The following PCNT variants were observed in gnomAD, a reference collection of about 807,000 sequenced individuals.
The protein encoded by PCNT is pericentrin.
Under a neutral mutation model 380.4 loss-of-function variants are expected in PCNT, and 319 were observed. The observed-to-expected ratio is 0.84, with a 90% confidence interval of 0.77 to 0.92. The LOEUF (loss-of-function observed/expected upper bound fraction) is 0.92. Among genes scored for constraint, PCNT ranks in the 40% least tolerant of loss-of-function variants. The pLI, the probability that PCNT is intolerant of heterozygous loss-of-function variation, is 0.00. For synonymous variants in PCNT, 1,845 were observed against 1,735.2 expected, an observed-to-expected ratio of 1.06 and a Z score of -1.57; for missense variants, 4,400 against 4,255.3, an observed-to-expected ratio of 1.03 and a Z score of -0.95.
chr21:46,398,487 G>A (rs2086284340), intron 24 of PCNT, among the ~76,000 whole-genome samples: 1 of 152,252 alleles, frequency 6.6e-6, no homozygotes, highest in Non-Finnish European at 1.5e-5. Context: ...TGCCTGGCAC[G>A]TGGTTCCCCA....
At chr21:46,412,712 T>G in intron 28 of PCNT, 125 bp from the exon 29 acceptor site, 1 of 1,003,236 alleles carries the variant, frequency 1.0e-6, no homozygotes, top group Non-Finnish European at 1.6e-6. Context: ...GCTGTGGATG[T>G]CACTGCCACC....
chr21:46,337,606 G>A (rs912484018), intron 3 of PCNT, among the ~76,000 whole-genome samples: 2 of 151,784 alleles, frequency 1.3e-5, no homozygotes, highest in African/African-American at 4.8e-5. Flanking sequence ...TTTTGAGATG[G>A]AGTTTCGCTC....
chr21:46,339,957 C>A (rs556151758), intron 3 of PCNT, among the ~76,000 whole-genome samples: 1 of 152,226 alleles, frequency 6.6e-6, no homozygotes, highest in East Asian at 1.9e-4. Flanking sequence ...TTCTTTCTCT[C>A]CATTAAGTTT....
At position 46,347,505 on chromosome 21, in the gene PCNT, T is replaced by C; in HGVS notation, c.1025T>C (p.Ile342Thr). 1 of 1,613,972 alleles carries C rather than the reference T, an allele frequency of 6.2e-7. No homozygotes were observed. The highest frequency in any genetic ancestry group is 1.1e-5 in the South Asian group (1 of 91,058). The part of the protein sequence containing the change: ...LQSEMEKNAQ[I>T]VKTLKEDWES... ...TCAGAAATGGAGAAAAACGCCCAGA[T>C]AGTAAAGGTACCCGGGATCGATTCT... The change falls in exon 6 of 47, where the codon ATA (isoleucine) becomes ACA (threonine). Residue 342 changes from isoleucine to threonine, a missense_variant. Physicochemically the swap from Ile to Thr is moderately conservative, Grantham distance 89. Coordinates refer to ENST00000359568, the MANE Select transcript of PCNT (RefSeq NM_006031.6).
At chr21:46,427,964 C>T (rs567432870) in intron 34 of PCNT, among the ~76,000 whole-genome samples, 169 bp downstream of exon 34, 1 of 152,330 alleles carries the variant, frequency 6.6e-6, no homozygotes, top group South Asian at 2.1e-4. Flanking sequence ...ATGCAGGATG[C>T]TGCACTTTTC....
rs1428591229 is a variant in PCNT at position 46,334,678 on chromosome 21, G to A, written c.549G>A (p.Gly183=). 1.2e-6 allele frequency: 2 copies of A among 1,611,508 alleles called. No individual in the cohort carries two copies. The highest frequency in any genetic ancestry group is 2.2e-5 in the East Asian group (1 of 44,758). ...TISDHQPEQR[G]MFTVSDHTPE... Reference sequence around the variant, plus strand: ...GTGACCACCAACCGGAACAGCGTGGGATGTTCACAGTCAGTGACCACACAC... The same window carrying A: ...GTGACCACCAACCGGAACAGCGTGGAATGTTCACAGTCAGTGACCACACAC... Residue 183 remains glycine (G), a synonymous_variant, in exon 3 of 47, where the codon GGG becomes GGA. Coordinates refer to ENST00000359568, the MANE Select transcript of PCNT (RefSeq NM_006031.6).
chr21:46,422,589 T>A (rs1470427795), intron 32 of PCNT, among the ~76,000 whole-genome samples: 1 of 152,268 alleles, frequency 6.6e-6, no homozygotes, highest in Non-Finnish European at 1.5e-5. Context: ...ATAGGTTTTC[T>A]TTCCTCTCCC....
intron 2 of PCNT, among the ~76,000 whole-genome samples, chr21:46,327,939 C>G (rs933560332): frequency 1.3e-5 from 2 of 152,134 alleles, no homozygotes; most frequent in African/African-American, 4.8e-5. Context: ...GGCTGGCCTT[C>G]CGGGCTCCTT....
Position 46,416,193 on chromosome 21 carries a change from C to T in PCNT, c.6275C>T (p.Ala2092Val), listed in dbSNP as rs1321200966. Residue 2092 changes from alanine to valine, a missense_variant, in exon 30 of 47, where the codon GCC becomes GTC. Ala to Val is a moderately conservative substitution (Grantham distance 64, BLOSUM62 0). Coordinates refer to ENST00000359568, the MANE Select transcript of PCNT (RefSeq NM_006031.6). The stretch of plus-strand genomic sequence containing the variant: ...ATGACCTTCCAGAATGTGGATGCTG[C>T]CGACACCAAATCTCTGTGGCCCATG... The part of the protein sequence containing the change: ...YSMTFQNVDA[A>V]DTKSLWPMAS... 1.2e-6 allele frequency: 2 copies of T among 1,614,094 alleles called. No homozygotes were observed. The highest frequency in any genetic ancestry group is 1.7e-6 in the Non-Finnish European group (2 of 1,180,048).
chr21:46,355,961 G>T (rs2084459648), intron 12 of PCNT, among the ~76,000 whole-genome samples: 4 of 152,336 alleles, frequency 2.6e-5, no homozygotes, highest in Non-Finnish European at 1.5e-5. Flanking sequence ...TGGGCCCAGG[G>T]GAGGCTTTTC....
At chr21:46,406,618 G>A (rs777861958) in intron 27 of PCNT, among the ~76,000 whole-genome samples, 1 of 152,098 alleles carries the variant, frequency 6.6e-6, no homozygotes, top group African/African-American at 2.4e-5. Context: ...ACAATGTCTA[G>A]CACTCCCAGT....
rs201188810 is a variant in PCNT, at chr21:46,355,597, G to T, written c.1907G>T (p.Arg636Leu). The T allele has an allele frequency of 2.4e-5, 38 of 1,614,010 alleles. No homozygotes were observed. Among genetic ancestry groups the T allele is most frequent in the Non-Finnish European group, 3.1e-5 (37 of 1,179,988 alleles). ...ACTTCAGCATTGGGACACGAGTGGCGTCTGGAACCCTCTGAAGGGCACAGC... is the reference window on the plus strand; with the variant it reads ...ACTTCAGCATTGGGACACGAGTGGCTTCTGGAACCCTCTGAAGGGCACAGC... ...VETSALGHEW[R>L]LEPSEGHSQE... Residue 636 changes from arginine to leucine, a missense_variant, in exon 12 of 47, where the codon CGT becomes CTT. Physicochemically the swap from Arg to Leu is moderately radical, Grantham distance 102. Transcript: ENST00000359568.
At chr21:46,444,176 T>C (rs1569316746) in intron 45 of PCNT, among the ~76,000 whole-genome samples, 5 of 152,068 alleles carry the variant, frequency 3.3e-5, no homozygotes, top group Admixed American at 1.3e-4. Context: ...CCATCTTTAG[T>C]GAAAGAGTAA....
intron 35 of PCNT, 49 bp downstream of exon 35, chr21:46,428,639 C>A: frequency 6.8e-7 from 1 of 1,466,640 alleles, no homozygotes; most frequent in Non-Finnish European, 9.3e-7. Context: ...TGCACCTGCC[C>A]GCCCGACACT....
chr21:46,378,999 C>T (rs888389344), intron 15 of PCNT, among the ~76,000 whole-genome samples: 2 of 152,164 alleles, frequency 1.3e-5, no homozygotes, highest in Non-Finnish European at 2.9e-5. Context: ...TACTGCTGCT[C>T]GTTTCTTCCT....
intron 21 of PCNT, among the ~76,000 whole-genome samples, chr21:46,392,341 T>C (rs1023951031): frequency 5.9e-5 from 9 of 152,118 alleles, no homozygotes; most frequent in Non-Finnish European, 1.2e-4. Flanking sequence ...TGCCTCAGCC[T>C]CCCAAGTAGC....
At chr21:46,362,755 G>A (rs776168006) in intron 13 of PCNT, among the ~76,000 whole-genome samples, 4 of 151,952 alleles carry the variant, frequency 2.6e-5, no homozygotes, top group Admixed American at 2.0e-4. Context: ...ATCAGCCTGG[G>A]CAACATGCAG....
chr21:46,390,164 T>C (rs2085982582), intron 19 of PCNT, among the ~76,000 whole-genome samples: 1 of 152,210 alleles, frequency 6.6e-6, no homozygotes, highest in African/African-American at 2.4e-5. Context: ...TCATTTTAAG[T>C]TAGCCAGGCG....
chr21:46,399,880 C>G (rs1354750009), intron 25 of PCNT, 84 bp downstream of exon 25: 6 of 1,192,088 alleles, frequency 5.0e-6, no homozygotes, highest in African/African-American at 4.5e-5. Flanking sequence ...AGGGAGTGGG[C>G]AGGGCGTCCT....
Sources: gnomAD v4.1 joint callset for allele counts (sites outside exome capture counted in the v4.1 genomes callset) on GRCh38, gnomAD v4.1.1 for gene constraint, MANE v1.5 for transcripts, NCBI Gene and HGNC (gene_info 2026-07-23, HGNC 2026-07-21) for gene names.